STAC: variants seen among roughly 807,000 people sequenced by gnomAD.
STAC encodes the protein SH3 and cysteine-rich domain-containing protein.
STAC carries 43 observed loss-of-function variants against 48.8 expected under a neutral mutation model. That is an observed-to-expected ratio of 0.88 (90% CI 0.69 to 1.14). The LOEUF is 1.14. STAC is among the 50% of genes most tolerant of loss of function. The pLI is 0.00. For synonymous variants in STAC, 193 were observed against 179.5 expected (o/e 1.07, Z -0.60); for missense variants, 497 against 504.0 (o/e 0.99, Z 0.13).
chr3:36,424,150 A>G (rs1325487062), intron 1 of STAC, among the ~76,000 whole-genome samples: 1 of 152,108 alleles, frequency 6.6e-6, no homozygotes, highest in Non-Finnish European at 1.5e-5. Flanking sequence ...CACTCACTTA[A>G]TTTAACAAAC....
At chr3:36,544,002 A>G (rs1019817933) in intron 10 of STAC, among the ~76,000 whole-genome samples, 1 of 152,180 alleles carries the variant, frequency 6.6e-6, no homozygotes, top group Non-Finnish European at 1.5e-5. Flanking sequence ...ATTTTTATTG[A>G]TGCTGACTGG....
intron 8 of STAC, among the ~76,000 whole-genome samples, chr3:36,516,933 C>G (rs1327308277): frequency 1.3e-5 from 2 of 152,120 alleles, no homozygotes; most frequent in East Asian, 3.8e-4. Flanking sequence ...TTAACACCAC[C>G]CTAAGGATAT....
At chr3:36,513,497 T>A (rs1439437158) in intron 8 of STAC, among the ~76,000 whole-genome samples, 4 of 152,228 alleles carry the variant, frequency 2.6e-5, no homozygotes, top group Non-Finnish European at 5.9e-5. Context: ...CTCTGTGTTT[T>A]CAGTCTTCCT....
chr3:36,523,192 G>T (rs1022907114), intron 8 of STAC, among the ~76,000 whole-genome samples: 5 of 152,168 alleles, frequency 3.3e-5, no homozygotes, highest in Admixed American at 3.3e-4. Flanking sequence ...AGTTGCTTTT[G>T]TTATTTTATT....
chr3:36,392,054 C>CTGTTTTATCAGAG (rs1471423162), intron 1 of STAC, among the ~76,000 whole-genome samples: 2 of 152,188 alleles, frequency 1.3e-5, no homozygotes, highest in African/African-American at 4.8e-5. Context: ...CTCTAACACT[C>CTGTTTTATCAGAG]TGTTTTATCA....
At chr3:36,492,140 C>A (rs114840824) in intron 5 of STAC, among the ~76,000 whole-genome samples, 1 of 137,198 alleles carries the variant, frequency 7.3e-6, no homozygotes, top group Non-Finnish European at 1.5e-5. Context: ...AGCTGGGTCA[C>A]GTGGCCCTTT....
At chr3:36,524,588 T>A (rs191206997) in intron 8 of STAC, among the ~76,000 whole-genome samples, 1 of 151,682 alleles carries the variant, frequency 6.6e-6, no homozygotes, top group Non-Finnish European at 1.5e-5. Context: ...TGAAACTCCA[T>A]CTCAAAAAAA....
At chr3:36,437,663 A>T (rs961090825) in intron 1 of STAC, among the ~76,000 whole-genome samples, 2 of 148,456 alleles carry the variant, frequency 1.3e-5, no homozygotes, top group African/African-American at 5.0e-5. Flanking sequence ...GCATTAGGAG[A>T]TATACCTAAT....
intron 10 of STAC, among the ~76,000 whole-genome samples, chr3:36,542,164 C>A (rs543744100): frequency 6.6e-6 from 1 of 152,248 alleles, no homozygotes; most frequent in East Asian, 1.9e-4. Flanking sequence ...AATCTGATCA[C>A]CTTATTCCTC....
intron 5 of STAC, among the ~76,000 whole-genome samples, chr3:36,487,742 G>A (rs1198578334): frequency 6.6e-6 from 1 of 152,190 alleles, no homozygotes; most frequent in East Asian, 1.9e-4. Flanking sequence ...TAATGACTGT[G>A]TCATATGAGT....
chr3:36,385,780 C>G (rs1427181257), intron 1 of STAC, among the ~76,000 whole-genome samples: 1 of 152,070 alleles, frequency 6.6e-6, no homozygotes, highest in South Asian at 2.1e-4. Context: ...ACTTCTTTCA[C>G]TCAACATTAT....
chr3:36,503,240 T>C (rs914978249), intron 6 of STAC, among the ~76,000 whole-genome samples: 4 of 152,146 alleles, frequency 2.6e-5, no homozygotes, highest in African/African-American at 9.7e-5. Flanking sequence ...CTTGGAAATA[T>C]TTACCACATT....
intron 8 of STAC, among the ~76,000 whole-genome samples, chr3:36,520,907 T>G (rs1466225900): frequency 2.6e-5 from 4 of 152,174 alleles, no homozygotes; most frequent in Non-Finnish European, 5.9e-5. Context: ...TGAGCTGGTC[T>G]ATGGACTTGG....
At chr3:36,538,249 T>C (rs986844628) in intron 10 of STAC, among the ~76,000 whole-genome samples, 6 of 152,170 alleles carry the variant, frequency 3.9e-5, no homozygotes, top group African/African-American at 1.4e-4. Flanking sequence ...TATTCATATA[T>C]ATATGGTCTG....
At chr3:36,481,276 C>T (rs73827543) in intron 2 of STAC, among the ~76,000 whole-genome samples, 4,726 of 152,168 alleles carry the variant, frequency 0.031, 221 homozygotes, top group African/African-American at 0.11. Context: ...TGCAGAGCCT[C>T]GCCAGTATGA....
At chr3:36,472,479 T>C (rs763592990) in intron 2 of STAC, among the ~76,000 whole-genome samples, 1 of 152,272 alleles carries the variant, frequency 6.6e-6, no homozygotes, top group African/African-American at 2.4e-5. Flanking sequence ...TTTTCTTTTC[T>C]ATAGCATAGT....
intron 6 of STAC, among the ~76,000 whole-genome samples, chr3:36,499,642 G>A (rs1262637917): frequency 6.6e-6 from 1 of 151,890 alleles, no homozygotes; most frequent in Non-Finnish European, 1.5e-5. Context: ...CAAAATAAAT[G>A]TAAACTGATT....
At chr3:36,444,657 C>G (rs916077846) in intron 2 of STAC, among the ~76,000 whole-genome samples, 3 of 152,220 alleles carry the variant, frequency 2.0e-5, no homozygotes, top group African/African-American at 4.8e-5. Context: ...AACCCCCTAG[C>G]CCCCACCTGC....
At chr3:36,509,837 G>C (rs565546334) in intron 8 of STAC, among the ~76,000 whole-genome samples, 3 of 152,060 alleles carry the variant, frequency 2.0e-5, no homozygotes, top group South Asian at 2.1e-4. Flanking sequence ...TTAAACGTAA[G>C]ACCTAAAACC....
Sources: allele counts gnomAD v4.1 joint callset (sites outside exome capture counted in the v4.1 genomes callset), GRCh38; gene constraint gnomAD v4.1.1; transcripts MANE v1.5; gene names NCBI Gene and HGNC (gene_info 2026-07-23, HGNC 2026-07-21).